HELZ: variants seen among roughly 807,000 people sequenced by gnomAD.
The protein encoded by HELZ is helicase with zinc finger.
HELZ carries 23 observed loss-of-function variants against 218.2 expected under a neutral mutation model. The observed-to-expected ratio is 0.11, with a 90% CI of 0.08 to 0.15. The LOEUF (loss-of-function observed/expected upper bound fraction) is 0.15. HELZ is among the 10% of genes least tolerant of loss of function. The probability of loss-of-function intolerance (pLI) is 1.00; values close to 1 mark genes in which losing one functional copy is unlikely to be tolerated. For missense variants in HELZ, 1,813 were observed against 2,353.7 expected (o/e 0.77, Z 4.75); for synonymous variants, 814 against 829.4 (o/e 0.98, Z 0.32).
Position 67,179,076 on chromosome 17 carries a change from A to C in HELZ, c.1163-150T>G, listed in dbSNP as rs2039536628. The C allele has an allele frequency of 5.4e-6, 3 of 556,460 alleles. No individual in the cohort carries two copies. In the African/African-American group the frequency reaches 5.8e-5, roughly 11 times the overall value. The allele number at this position is 556,460 out of a possible 1,614,324, so 34.5% of individuals were successfully genotyped here. A position where few individuals can be genotyped will look rare whatever the true frequency, so the allele number is the denominator to read the frequency against. On this transcript the variant is annotated intron_variant, in intron 12 of 32. Coordinates refer to ENST00000358691, the MANE Select transcript of HELZ (RefSeq NM_014877.4). ...TAAAAACAAAACAATGCAAATACCC[A>C]TTGACTATTTCCCCCATATCAAAAA...
intron 20 of HELZ, 125 bp from the exon 21 acceptor site, chr17:67,146,015 A>G: frequency 3.7e-6 from 3 of 803,934 alleles, no homozygotes; most frequent in Non-Finnish European, 5.9e-6. Context: ...TTTTACTCCA[A>G]TCATCTAATA....
intron 26 of HELZ, among the ~76,000 whole-genome samples, chr17:67,121,425 T>C (rs1466953507): frequency 6.6e-6 from 1 of 152,206 alleles, no homozygotes; most frequent in Non-Finnish European, 1.5e-5. Context: ...AAATAACTGC[T>C]AAAATCCAAA....
intron 3 of HELZ, among the ~76,000 whole-genome samples, chr17:67,237,304 GATTT>G (rs1169858559): frequency 6.6e-6 from 1 of 152,054 alleles, no homozygotes. Flanking sequence ...CAATTTTTTT[GATTT>G]ATTTATTAGT....
intron 27 of HELZ, among the ~76,000 whole-genome samples, chr17:67,116,131 T>G (rs2037418266): frequency 6.6e-6 from 1 of 151,822 alleles, no homozygotes; most frequent in Non-Finnish European, 1.5e-5. Flanking sequence ...AGATTTATAC[T>G]ATAAACCCTA....
rs1001675470 is a variant in HELZ, at chr17:67,138,178, G to A, written c.2770-64C>T. 2.8e-5 allele frequency: 36 copies of A among 1,283,344 alleles called. No homozygotes were observed. The South Asian group carries it at 4.2e-4, about 15-fold the overall frequency. The allele number at this position is 1,283,344 out of a possible 1,614,324, so 79.5% of individuals were successfully genotyped here. ...ACCAATGTTTGGAGAAAATAATATC[G>A]TAACTAAAACTGATTTATAAAGGAT... On this transcript the variant is annotated intron_variant, in intron 21 of 32. Coordinates refer to ENST00000358691, the MANE Select transcript of HELZ (RefSeq NM_014877.4).
intron 31 of HELZ, among the ~76,000 whole-genome samples, chr17:67,105,328 A>C (rs1049538407): frequency 6.6e-6 from 1 of 152,080 alleles, no homozygotes; most frequent in Non-Finnish European, 1.5e-5. Flanking sequence ...CAAGAACTCC[A>C]CTCCTAAGTT....
At chr17:67,223,273 A>G (rs1470097235) in intron 3 of HELZ, among the ~76,000 whole-genome samples, 1 of 151,924 alleles carries the variant, frequency 6.6e-6, no homozygotes, top group East Asian at 1.9e-4. Flanking sequence ...AAAGAAAAAA[A>G]GAAGATACTA....
At chr17:67,140,506 C>T (rs2038289812) in intron 21 of HELZ, among the ~76,000 whole-genome samples, 1 of 152,028 alleles carries the variant, frequency 6.6e-6, no homozygotes, top group African/African-American at 2.4e-5. Context: ...AATCAGCAAA[C>T]GTGAAGATAC....
In HELZ at chr17:67,074,174, T is replaced by C. The variant is rs942170921; in HGVS notation, c.*4078A>G. The C allele has an allele frequency of 2.6e-5, 4 of 151,908 alleles. No homozygotes were observed. The highest frequency in any genetic ancestry group is 7.3e-5 in the African/African-American group (3 of 41,352). The allele number at this position is 151,908 out of a possible 1,614,324, so 9.4% of individuals were successfully genotyped here. The stretch of plus-strand genomic sequence containing the variant: ...GCAGTAGAAATTAAGGATTTTCATA[T>C]GTTAAGGGGATGGTGAGCAAGAAAT... On this transcript the variant is annotated 3_prime_UTR_variant, in exon 33 of 33. Transcript: ENST00000358691.
chr17:67,198,981 A>G (rs183130903), intron 7 of HELZ, among the ~76,000 whole-genome samples: 4 of 152,340 alleles, frequency 2.6e-5, no homozygotes, highest in Non-Finnish European at 5.9e-5. Flanking sequence ...GATTATAAAC[A>G]TTAAAAATAA....
chr17:67,085,976 A>T (rs1163438296), intron 32 of HELZ, among the ~76,000 whole-genome samples: 1 of 152,168 alleles, frequency 6.6e-6, no homozygotes, highest in Non-Finnish European at 1.5e-5. Context: ...ACAGTTTATT[A>T]GAATAAAGGA....
chr17:67,238,093 T>G (rs1316214966), intron 3 of HELZ, among the ~76,000 whole-genome samples: 1 of 146,698 alleles, frequency 6.8e-6, no homozygotes, highest in South Asian at 2.2e-4. Flanking sequence ...CACCTGTAAT[T>G]CCAGCACTTT....
intron 24 of HELZ, among the ~76,000 whole-genome samples, chr17:67,127,908 T>A (rs369851026): frequency 4.6e-5 from 7 of 151,960 alleles, no homozygotes; most frequent in African/African-American, 1.7e-4. Context: ...TTAATTCTTA[T>A]TGGTAACTTT....
intron 7 of HELZ, among the ~76,000 whole-genome samples, chr17:67,196,396 T>C (rs2040029045): frequency 3.3e-5 from 5 of 152,222 alleles, no homozygotes; most frequent in Admixed American, 3.3e-4. Context: ...TCTAAACTAT[T>C]CTGTAGTATT....
chr17:67,203,567 C>T, intron 5 of HELZ, 124 bp from the exon 6 acceptor site: 20 of 1,094,266 alleles, frequency 1.8e-5, no homozygotes, highest in Non-Finnish European at 2.3e-5. Context: ...TTCAAATACT[C>T]TAGAGGGAAG....
intron 13 of HELZ, 96 bp downstream of exon 13, chr17:67,178,563 T>C (rs930894665): frequency 2.8e-5 from 28 of 987,898 alleles, no homozygotes; most frequent in East Asian, 2.7e-4. Context: ...AACCATTTAC[T>C]ACCTGTCTTC....
intron 12 of HELZ, among the ~76,000 whole-genome samples, chr17:67,182,359 C>T (rs779950924): frequency 6.6e-6 from 1 of 152,074 alleles, no homozygotes; most frequent in African/African-American, 2.4e-5. Context: ...GCAGGAGAAT[C>T]GCTTGAACCC....
chr17:67,100,527 C>G (rs2036892173), intron 31 of HELZ, among the ~76,000 whole-genome samples: 1 of 152,132 alleles, frequency 6.6e-6, no homozygotes. Flanking sequence ...TCTATTTATT[C>G]CTTATGAGCA....
chr17:67,219,605 C>T (rs557714321), intron 3 of HELZ, among the ~76,000 whole-genome samples: 1 of 151,278 alleles, frequency 6.6e-6, no homozygotes, highest in East Asian at 1.9e-4. Flanking sequence ...AATACACAGC[C>T]TAAACTCAAG....
Sources: gnomAD v4.1 joint callset for allele counts (sites outside exome capture counted in the v4.1 genomes callset) on GRCh38, gnomAD v4.1.1 for gene constraint, MANE v1.5 for transcripts, NCBI Gene and HGNC (gene_info 2026-07-23, HGNC 2026-07-21) for gene names.